Variants in ANKRD11 observed in about 807,000 individuals in gnomAD.
ANKRD11 encodes ankyrin repeat domain 11.
ANKRD11 carries 17 observed loss-of-function variants against 195.7 expected under a neutral mutation model. That is an observed-to-expected ratio of 0.09 (90% CI 0.06 to 0.13). The LOEUF is 0.13. Among genes scored for constraint, ANKRD11 ranks in the 10% least tolerant of loss-of-function variants. The pLI is 1.00. For missense variants in ANKRD11, 3,735 were observed against 3,566.1 expected, an observed-to-expected ratio of 1.05 and a Z score of -1.21; for synonymous variants, 1,953 against 1,528.1, an observed-to-expected ratio of 1.28 and a Z score of -6.49.
At chr16:89,375,119 T>C (rs1483309939) in intron 2 of ANKRD11, among the ~76,000 whole-genome samples, 3 of 151,998 alleles carry the variant, frequency 2.0e-5, no homozygotes, top group Non-Finnish European at 4.4e-5. Context: ...CAGAAGTGTA[T>C]ACAACTCAGT....
intron 1 of ANKRD11, among the ~76,000 whole-genome samples, chr16:89,464,375 G>A (rs1010728460): frequency 2.5e-4 from 38 of 151,884 alleles, no homozygotes; most frequent in Admixed American, 1.1e-3. Flanking sequence ...TTGGGAGGCC[G>A]AGGCAGGCAG....
intron 1 of ANKRD11, among the ~76,000 whole-genome samples, chr16:89,489,458 GC>G (rs1164805149): frequency 9.1e-6 from 1 of 110,430 alleles, no homozygotes; most frequent in Non-Finnish European, 1.8e-5. Flanking sequence ...CCGCATTCCT[GC>G]CCCTCCTCGG....
intron 2 of ANKRD11, among the ~76,000 whole-genome samples, chr16:89,416,001 C>CATG (rs2042294893): frequency 6.6e-6 from 1 of 151,982 alleles, no homozygotes; most frequent in Non-Finnish European, 1.5e-5. Flanking sequence ...CCACAACAGA[C>CATG]CTCATGCTAA....
At chr16:89,445,244 A>G (rs1331200242) in intron 1 of ANKRD11, among the ~76,000 whole-genome samples, 1 of 152,252 alleles carries the variant, frequency 6.6e-6, no homozygotes, top group African/African-American at 2.4e-5. Flanking sequence ...GCATTAACCA[A>G]TGTATTAGTA....
chr16:89,301,959 C>T (rs983188361), intron 4 of ANKRD11, among the ~76,000 whole-genome samples: 1 of 152,144 alleles, frequency 6.6e-6, no homozygotes, highest in Non-Finnish European at 1.5e-5. Context: ...CCAAGGCATC[C>T]GGCACGGTGG....
At chr16:89,307,287 T>C (rs2036342087) in intron 3 of ANKRD11, among the ~76,000 whole-genome samples, 1 of 152,222 alleles carries the variant, frequency 6.6e-6, no homozygotes, top group South Asian at 2.1e-4. Context: ...GCCACGGTCC[T>C]GCCTCCTGGG....
chr16:89,474,275 G>A (rs1053421825), intron 1 of ANKRD11, among the ~76,000 whole-genome samples: 1 of 152,102 alleles, frequency 6.6e-6, no homozygotes, highest in African/African-American at 2.4e-5. Flanking sequence ...CACAGAAACT[G>A]TGAGATAATA....
intron 1 of ANKRD11, chr16:89,489,249 A>G: frequency 6.6e-6 from 1 of 152,102 alleles, no homozygotes; most frequent in East Asian, 1.9e-4. Flanking sequence ...GCGCGCGCAC[A>G]CACATACACC....
intron 2 of ANKRD11, among the ~76,000 whole-genome samples, chr16:89,325,515 A>C (rs1597650393): frequency 6.6e-6 from 1 of 152,104 alleles, no homozygotes; most frequent in African/African-American, 2.4e-5. Flanking sequence ...TGTTGGGGAC[A>C]AAATACATGA....
intron 1 of ANKRD11, chr16:89,431,207 G>A (rs1472805121): frequency 2.6e-5 from 4 of 152,310 alleles, no homozygotes; most frequent in African/African-American, 9.7e-5. Flanking sequence ...AGATAAATAA[G>A]AGCAAGCTGG....
chr16:89,371,575 C>T (rs117032784), intron 2 of ANKRD11, among the ~76,000 whole-genome samples: 8,947 of 152,242 alleles, frequency 0.059, 400 homozygotes, highest in Admixed American at 0.096. Context: ...CAGGAAGGTC[C>T]AGGCAGGCGC....
chr16:89,323,325 C>T, intron 2 of ANKRD11: 1 of 1,288,944 alleles, frequency 7.8e-7, no homozygotes, highest in Non-Finnish European at 1.0e-6. Flanking sequence ...AGCACTGTGG[C>T]AATCCCAGGT....
chr16:89,292,759 C>G (rs1478221580), intron 4 of ANKRD11, among the ~76,000 whole-genome samples: 1 of 152,228 alleles, frequency 6.6e-6, no homozygotes, highest in African/African-American at 2.4e-5. Context: ...GGGAGGCAGC[C>G]TCGCCACCGG....
chr16:89,319,134 C>G (rs1165254607), intron 2 of ANKRD11, among the ~76,000 whole-genome samples: 1 of 152,180 alleles, frequency 6.6e-6, no homozygotes, highest in Non-Finnish European at 1.5e-5. Context: ...GGGGCCTTCA[C>G]CATGTAGAGT....
chr16:89,336,342 G>A (rs562094132), intron 2 of ANKRD11, among the ~76,000 whole-genome samples: 36 of 152,394 alleles, frequency 2.4e-4, no homozygotes, highest in Admixed American at 2.2e-3. Flanking sequence ...CTCCAAGATT[G>A]TCGTCAGACC....
chr16:89,456,957 CTTTTTTTTT>C (rs56161810), intron 1 of ANKRD11, among the ~76,000 whole-genome samples: 69,911 of 138,288 alleles, frequency 0.51, 17,145 homozygotes, highest in Middle Eastern at 0.68. Flanking sequence ...TTATGTGAGT[CTTTTTTTTT>C]TTTTTTTTTT....
chr16:89,284,995 C>T lies in ANKRD11; in HGVS notation c.1547G>A (p.Ser516Asn). The change falls in exon 9 of 13, where the codon AGC (serine) becomes AAC (asparagine). Residue 516 changes from serine (S) to asparagine (N), a missense_variant. Coordinates refer to ENST00000301030, the MANE Select transcript of ANKRD11 (RefSeq NM_013275.6). ...PLVLKDPSLF[S>N]SLSASSTSSH... is the part of the protein sequence containing the mutation. ...CGAGGTGGAGGAGGCAGAGAGGGAGCTGAACAGGGAGGGGTCCTTCAGCAC... is the reference window on the plus strand; with the variant it reads ...CGAGGTGGAGGAGGCAGAGAGGGAGTTGAACAGGGAGGGGTCCTTCAGCAC... 1 of 1,614,068 alleles carries T rather than the reference C, an allele frequency of 6.2e-7. No homozygotes were observed. Among genetic ancestry groups the T allele is most frequent in the Non-Finnish European group, 8.5e-7 (1 of 1,179,990 alleles).
chr16:89,391,953 T>A (rs2041218177), intron 2 of ANKRD11, among the ~76,000 whole-genome samples: 1 of 152,240 alleles, frequency 6.6e-6, no homozygotes, highest in Admixed American at 6.5e-5. Flanking sequence ...AAGCATTAGG[T>A]CACGGCCTGT....
At chr16:89,317,140 C>CA in intron 2 of ANKRD11, 62 bp from the exon 3 acceptor site, 1 of 1,087,224 alleles carries the variant, frequency 9.2e-7, no homozygotes, top group East Asian at 2.6e-5. Flanking sequence ...CATCCACTCT[C>CA]ACACCGCACT....
Sources: gnomAD v4.1 joint callset for allele counts (sites outside exome capture counted in the v4.1 genomes callset) on GRCh38, gnomAD v4.1.1 for gene constraint, MANE v1.5 for transcripts, NCBI Gene and HGNC (gene_info 2026-07-23, HGNC 2026-07-21) for gene names.